Variants in UEVLD observed in about 807,000 individuals in gnomAD.
The protein encoded by UEVLD is ubiquitin-conjugating enzyme E2 variant 3.
UEVLD carries 47 observed loss-of-function variants against 58.6 expected under a neutral mutation model. That is an observed-to-expected ratio of 0.80 (90% CI 0.63 to 1.02). The LOEUF (loss-of-function observed/expected upper bound fraction) is 1.02, where lower values mean the gene tolerates loss of function less well. Among genes scored for constraint, UEVLD ranks in the 50% least tolerant of loss-of-function variants. The probability of loss-of-function intolerance (pLI) is 0.00; values close to 1 mark genes in which losing one functional copy is unlikely to be tolerated. For synonymous variants in UEVLD, 197 were observed against 195.3 expected, an observed-to-expected ratio of 1.01 and a Z score of -0.07; for missense variants, 510 against 550.6, an observed-to-expected ratio of 0.93 and a Z score of 0.74.
In UEVLD at chr11:18,531,372, T is replaced by A. The variant is rs1385451245; in HGVS notation, c.*948A>T. ...TACTATTAGTTGTATGTCACAATAG[T>A]AATAATAAGCTATCTTTCACATAAG... is the stretch of plus-strand genomic sequence containing the variant. On this transcript the variant is annotated 3_prime_UTR_variant, in exon 12 of 12. Transcript: ENST00000396197. 6.6e-6 allele frequency: 1 copy of A among 152,222 alleles called. No homozygotes were observed. The highest frequency in any genetic ancestry group is 2.4e-5 in the African/African-American group (1 of 41,466). The allele number at this position is 152,222 out of a possible 1,614,324, so 9.4% of individuals were successfully genotyped here.
intron 6 of UEVLD, among the ~76,000 whole-genome samples, chr11:18,562,544 A>G (rs569456499): frequency 1.3e-5 from 2 of 151,608 alleles, no homozygotes; most frequent in Admixed American, 6.6e-5. Flanking sequence ...TCCATCTCCA[A>G]AGAAAAAAAA....
intron 7 of UEVLD, among the ~76,000 whole-genome samples, chr11:18,557,962 A>G (rs1354240523): frequency 1.3e-5 from 2 of 152,358 alleles, no homozygotes; most frequent in African/African-American, 4.8e-5. Context: ...ATTTTGAGGT[A>G]TAAGTCAAAA....
chr11:18,566,523 T>C, intron 4 of UEVLD, 41 bp from the exon 5 acceptor site: 1 of 1,602,822 alleles, frequency 6.2e-7, no homozygotes, highest in Non-Finnish European at 8.5e-7. Context: ...CACAAAAATT[T>C]TGCTGAAGAA....
chr11:18,569,133 A>G (rs1852458613), intron 4 of UEVLD, among the ~76,000 whole-genome samples: 1 of 152,130 alleles, frequency 6.6e-6, no homozygotes, highest in South Asian at 2.1e-4. Flanking sequence ...TGACCTCGTG[A>G]TCCACCCGCC....
At chr11:18,545,598 C>G (rs1336635156) in intron 8 of UEVLD, among the ~76,000 whole-genome samples, 1 of 151,926 alleles carries the variant, frequency 6.6e-6, no homozygotes, top group Non-Finnish European at 1.5e-5. Flanking sequence ...GTGTGCACCA[C>G]CACACTTGGC....
chr11:18,570,363 T>C lies in UEVLD; in HGVS notation c.208A>G (p.Ile70Val). Residue 70 changes from isoleucine (I) to valine (V), a missense_variant, in exon 4 of 12, where the codon ATA (isoleucine) becomes GTA (valine). Ile to Val is a conservative substitution (Grantham distance 29). Transcript: ENST00000396197. The stretch of plus-strand genomic sequence containing the variant: ...TCCAAAATCCAGAAACGAATTGGTA[T>C]GTTATATGTATTACCTATTTGAGAC... ...PVMYQGNTYN[I>V]PIRFWILDSH... 1 of 1,558,204 alleles carries C rather than the reference T, an allele frequency of 6.4e-7. No homozygotes were observed. The highest frequency in any genetic ancestry group is 8.6e-7 in the Non-Finnish European group (1 of 1,160,814).
chr11:18,586,129 TGC>T (rs1853546685), intron 1 of UEVLD, among the ~76,000 whole-genome samples: 1 of 152,238 alleles, frequency 6.6e-6, no homozygotes, highest in African/African-American at 2.4e-5. Context: ...TCTCCATAGT[TGC>T]TTAATTTTTT....
intron 6 of UEVLD, among the ~76,000 whole-genome samples, chr11:18,560,610 G>C (rs751213734): frequency 8.5e-5 from 13 of 152,158 alleles, no homozygotes; most frequent in Admixed American, 4.6e-4. Context: ...ACGTTCATCA[G>C]TAACAACGAG....
intron 8 of UEVLD, among the ~76,000 whole-genome samples, chr11:18,545,089 T>TTGAGATGGAGTG (rs1377185491): frequency 6.8e-6 from 1 of 147,984 alleles, no homozygotes; most frequent in Non-Finnish European, 1.5e-5. Flanking sequence ...TTTTTTTTTT[T>TTGAGATGGAGTG]TGAGATGGAG....
chr11:18,587,236 T>TC (rs1373338987), intron 1 of UEVLD, among the ~76,000 whole-genome samples: 1 of 152,212 alleles, frequency 6.6e-6, no homozygotes, highest in Non-Finnish European at 1.5e-5. Flanking sequence ...GGACAATCCA[T>TC]CATCCTCTGC....
At chr11:18,562,093 A>AT (rs538799205) in intron 6 of UEVLD, among the ~76,000 whole-genome samples, 3 of 151,672 alleles carry the variant, frequency 2.0e-5, no homozygotes, top group Non-Finnish European at 4.4e-5. Context: ...GAAAAACAGA[A>AT]TTTTTTTTTG....
Position 18,535,821 on chromosome 11 carries a change from T to G in UEVLD, c.1124+585A>C, listed in dbSNP as rs1000466685. Reference sequence around the variant, plus strand: ...AATAGATATTCATTTTTAAGTGGTGTGGACAAATTATCTTCTACATTAAGA... The same window carrying G: ...AATAGATATTCATTTTTAAGTGGTGGGGACAAATTATCTTCTACATTAAGA... On this transcript the variant is annotated intron_variant, in intron 10 of 11. Transcript: ENST00000396197. Among the ~76,000 whole-genome samples the G allele has an allele frequency of 9.2e-5, 14 of 152,214 alleles. 1 individual carries two copies.
intron 7 of UEVLD, among the ~76,000 whole-genome samples, chr11:18,555,672 G>A (rs1851726168): frequency 1.3e-5 from 2 of 152,128 alleles, no homozygotes; most frequent in African/African-American, 4.8e-5. Flanking sequence ...ACCAAGCTGG[G>A]TATGGTGACG....
intron 7 of UEVLD, among the ~76,000 whole-genome samples, chr11:18,552,518 G>C (rs982944866): frequency 4.6e-5 from 7 of 152,102 alleles, no homozygotes; most frequent in Non-Finnish European, 1.0e-4. Flanking sequence ...CTGCACTCTA[G>C]CCTGAGCAAC....
intron 1 of UEVLD, among the ~76,000 whole-genome samples, chr11:18,585,809 T>G (rs1221359118): frequency 6.6e-6 from 1 of 152,048 alleles, no homozygotes; most frequent in South Asian, 2.1e-4. Flanking sequence ...AGTTTTTACA[T>G]TTTTTAGGAG....
At chr11:18,540,730 C>G (rs1458727829) in intron 9 of UEVLD, among the ~76,000 whole-genome samples, 1 of 152,146 alleles carries the variant, frequency 6.6e-6, no homozygotes, top group Non-Finnish European at 1.5e-5. Flanking sequence ...TTTCTAGTTC[C>G]AATTTGAGAC....
At chr11:18,568,615 C>G (rs1852415287) in intron 4 of UEVLD, among the ~76,000 whole-genome samples, 3 of 152,152 alleles carry the variant, frequency 2.0e-5, no homozygotes, top group Admixed American at 2.0e-4. Context: ...TCAGGTAATG[C>G]AAATAACATA....
intron 1 of UEVLD, among the ~76,000 whole-genome samples, chr11:18,579,681 A>C (rs531724334): frequency 6.6e-6 from 1 of 152,340 alleles, no homozygotes; most frequent in South Asian, 2.1e-4. Context: ...GGGCAAAATC[A>C]TTTAAATTCT....
rs1455288884 is a variant in UEVLD at position 18,570,369 on chromosome 11, A to G, written c.202T>C (p.Tyr68His). 6.5e-7 allele frequency: 1 copy of G among 1,547,962 alleles called. No individual in the cohort carries two copies. The part of the protein sequence containing the change: ...TIPVMYQGNT[Y>H]NIPIRFWILD... ...ATCCAGAAACGAATTGGTATGTTAT[A>G]TGTATTACCTATTTGAGACAAAAGA... is the stretch of plus-strand genomic sequence containing the variant. Residue 68 changes from tyrosine (Y) to histidine (H), a missense_variant, in exon 4 of 12, where the codon TAT becomes CAT. Physicochemically the swap from Tyr to His is moderately conservative, Grantham distance 83. Transcript: ENST00000396197.
Sources: allele counts gnomAD v4.1 joint callset (sites outside exome capture counted in the v4.1 genomes callset), GRCh38; gene constraint gnomAD v4.1.1; transcripts MANE v1.5; gene names NCBI Gene and HGNC (gene_info 2026-07-23, HGNC 2026-07-21).